The following SPAG17 variants were observed in gnomAD, a reference collection of about 807,000 sequenced individuals.
SPAG17 encodes the protein sperm associated antigen 17.
In SPAG17, 169 loss-of-function variants were observed where a neutral mutation model predicts 273.6. The ratio of observed to expected loss-of-function variants is 0.62; its 90% confidence interval spans 0.55 to 0.70. The LOEUF is 0.70. SPAG17 is among the 30% of genes least tolerant of loss of function. The pLI is 0.00. For missense variants in SPAG17, 2,557 were observed against 2,627.8 expected (o/e 0.97, Z 0.59); for synonymous variants, 825 against 873.2 (o/e 0.94, Z 0.97).
At chr1:117,963,686 C>A (rs1653420260) in intron 48 of SPAG17, 113 bp downstream of exon 48, 1 of 988,246 alleles carries the variant, frequency 1.0e-6, no homozygotes. Flanking sequence ...TTCATTCATT[C>A]AGGCCAGGTG....
chr1:117,997,634 T>G (rs1378940317), intron 32 of SPAG17, among the ~76,000 whole-genome samples: 1 of 151,848 alleles, frequency 6.6e-6, no homozygotes, highest in Admixed American at 6.6e-5. Context: ...ATCTTTTTTG[T>G]CACAGGCACG....
chr1:117,990,857 T>C lies in SPAG17; in HGVS notation c.5521+4A>G, dbSNP rs1656994070. ...ACTGCAGAAGAATATTAAATGCAAC[T>C]TACCTTCAGTAACATGACTTTTTGT... is the stretch of plus-strand genomic sequence containing the variant. On this transcript the variant is annotated splice_donor_region_variant and intron_variant, in intron 38 of 48. Coordinates refer to ENST00000336338, the MANE Select transcript of SPAG17 (RefSeq NM_206996.4). 6.4e-7 allele frequency: 1 copy of C among 1,563,130 alleles called. No homozygotes were observed. The highest frequency in any genetic ancestry group is 8.7e-7 in the Non-Finnish European group (1 of 1,146,250).
At chr1:118,015,724 G>A (rs142442513) in intron 29 of SPAG17, among the ~76,000 whole-genome samples, 184 of 152,200 alleles carry the variant, frequency 1.2e-3, no homozygotes, top group African/African-American at 3.5e-3. Context: ...TTGTTCTGAC[G>A]TGGTTGTGCC....
rs778608043 is a variant in SPAG17, at chr1:117,970,112, T to C, written c.6331A>G (p.Lys2111Glu). 4 of 1,612,358 alleles carry C rather than the reference T, an allele frequency of 2.5e-6. No homozygotes were observed. Among genetic ancestry groups the C allele is most frequent in the Admixed American group, 1.7e-5 (1 of 59,582 alleles). ...KNVGVDFCRF[K>E]VKQPPPSTGL... ...GTGCTGGGTGGGGGCTGCTTTACTT[T>C]AAACCTACAAGGCAGAAAGATAAAA... is the stretch of plus-strand genomic sequence containing the variant. The change falls in exon 46 of 49, where the codon AAA (lysine) becomes GAA (glutamate). Residue 2111 changes from lysine (K) to glutamate (E), a missense_variant. Transcript: ENST00000336338.
chr1:118,043,822 A>C (rs1048476450), intron 20 of SPAG17, among the ~76,000 whole-genome samples: 3 of 152,192 alleles, frequency 2.0e-5, no homozygotes, highest in African/African-American at 7.2e-5. Flanking sequence ...CTATTACTTG[A>C]CTCAGCAAAA....
intron 27 of SPAG17, among the ~76,000 whole-genome samples, chr1:118,024,371 G>A (rs977623669): frequency 2.6e-5 from 4 of 151,776 alleles, no homozygotes; most frequent in Non-Finnish European, 5.9e-5. Context: ...TTTCCTTAGC[G>A]ACTTTTTAAA....
chr1:117,976,527 C>A (rs544275101), intron 43 of SPAG17, among the ~76,000 whole-genome samples: 6 of 152,294 alleles, frequency 3.9e-5, no homozygotes, highest in African/African-American at 1.4e-4. Flanking sequence ...CAGTGTGTGC[C>A]AGGCTGAGCA....
chr1:118,156,390 C>T (rs1303484188), intron 1 of SPAG17, among the ~76,000 whole-genome samples: 1 of 152,028 alleles, frequency 6.6e-6, no homozygotes, highest in African/African-American at 2.4e-5. Flanking sequence ...TGGTTTTGAC[C>T]CTCAAATCAT....
chr1:118,183,078 A>T (rs923088639), intron 1 of SPAG17, among the ~76,000 whole-genome samples: 1 of 152,186 alleles, frequency 6.6e-6, no homozygotes, highest in Non-Finnish European at 1.5e-5. Flanking sequence ...GTTCAAAAAT[A>T]CTATTGATTT....
intron 1 of SPAG17, among the ~76,000 whole-genome samples, chr1:118,169,683 C>A (rs75987403): frequency 6.6e-6 from 1 of 152,070 alleles, no homozygotes; most frequent in Admixed American, 6.6e-5. Flanking sequence ...CTACTTAGAC[C>A]CAGTTTATCA....
intron 28 of SPAG17, among the ~76,000 whole-genome samples, chr1:118,021,640 A>T (rs2101831953): frequency 6.6e-6 from 1 of 152,310 alleles, no homozygotes; most frequent in Admixed American, 6.5e-5. Context: ...TGAGCAGAGT[A>T]AACAGGAACT....
chr1:118,091,017 G>A (rs1180698435), intron 10 of SPAG17, among the ~76,000 whole-genome samples: 1 of 152,058 alleles, frequency 6.6e-6, no homozygotes, highest in Non-Finnish European at 1.5e-5. Flanking sequence ...CAATACAATA[G>A]CTATGCCCTT....
chr1:118,015,560 A>C (rs1659874839), intron 29 of SPAG17, among the ~76,000 whole-genome samples: 1 of 152,142 alleles, frequency 6.6e-6, no homozygotes, highest in South Asian at 2.1e-4. Context: ...GTAATGAGAC[A>C]CTCACTTCCA....
At chr1:117,983,784 G>T in intron 42 of SPAG17, 27 bp downstream of exon 42, 1 of 1,474,146 alleles carries the variant, frequency 6.8e-7, no homozygotes, top group Non-Finnish European at 9.4e-7. Context: ...ACATTTAATA[G>T]GAATATGTGC....
chr1:117,985,284 C>T (rs1320285841), intron 40 of SPAG17, among the ~76,000 whole-genome samples: 1 of 152,172 alleles, frequency 6.6e-6, no homozygotes. Context: ...CTTTCCAATA[C>T]CAGAACCCCT....
chr1:118,115,728 G>C (rs1005390119), intron 3 of SPAG17, among the ~76,000 whole-genome samples: 1 of 152,214 alleles, frequency 6.6e-6, no homozygotes, highest in East Asian at 1.9e-4. Context: ...GAAAAGGGTA[G>C]AGAAAAGATA....
intron 39 of SPAG17, 22 bp from the exon 40 acceptor site, chr1:117,987,903 T>A: frequency 6.2e-7 from 1 of 1,613,316 alleles, no homozygotes; most frequent in Non-Finnish European, 8.5e-7. Context: ...GAAAGGAAAG[T>A]ATGGTGAAAA....
At chr1:118,028,114 T>G (rs768561206) in intron 26 of SPAG17, among the ~76,000 whole-genome samples, 160 bp downstream of exon 26, 1 of 152,222 alleles carries the variant, frequency 6.6e-6, no homozygotes, top group Admixed American at 6.5e-5. Context: ...ACTAAGTACT[T>G]AGACAGTGCC....
chr1:118,029,977 C>T (rs1648246795), intron 25 of SPAG17, among the ~76,000 whole-genome samples: 1 of 152,142 alleles, frequency 6.6e-6, no homozygotes, highest in South Asian at 2.1e-4. Flanking sequence ...AAGATGCAAA[C>T]CTGCCACGTC....
Sources: gnomAD v4.1 joint callset for allele counts (sites outside exome capture counted in the v4.1 genomes callset) on GRCh38, gnomAD v4.1.1 for gene constraint, MANE v1.5 for transcripts, NCBI Gene and HGNC (gene_info 2026-07-23, HGNC 2026-07-21) for gene names.